VANGL2: variants seen among roughly 807,000 people sequenced by gnomAD.
VANGL2 encodes the protein vang-like protein 2.
A neutral mutation model predicts 50.2 loss-of-function variants in VANGL2; 14 were observed. The observed-to-expected ratio is 0.28, with a 90% CI of 0.18 to 0.44. VANGL2 has a LOEUF of 0.44. Ranked by LOEUF, VANGL2 falls within the 20% of genes least tolerant of loss-of-function variation. The probability of loss-of-function intolerance (pLI) is 1.00; values close to 1 mark genes in which losing one functional copy is unlikely to be tolerated. For missense variants in VANGL2, 533 were observed against 701.5 expected (o/e 0.76, Z 2.71); for synonymous variants, 295 against 297.2 (o/e 0.99, Z 0.08).
chr1:160,410,306 A>G lies in VANGL2; in HGVS notation c.-190-5342A>G, dbSNP rs1389910042. 5.3e-5 allele frequency among the ~76,000 whole-genome samples: 8 copies of G among 152,120 alleles called. No homozygotes were observed. In the South Asian group the frequency reaches 6.2e-4, roughly 12 times the overall value. Reference sequence around the variant, plus strand: ...GCCCTGTCCTCGGTGGAGATGAGGAACACTAGGTGCCCTTTTTAGGTACAT... The same window carrying G: ...GCCCTGTCCTCGGTGGAGATGAGGAGCACTAGGTGCCCTTTTTAGGTACAT... On this transcript the variant is annotated intron_variant, in intron 1 of 7. Coordinates refer to ENST00000368061, the MANE Select transcript of VANGL2 (RefSeq NM_020335.3).
At chr1:160,410,690 ACACACACACG>A (rs1477731586) in intron 1 of VANGL2, among the ~76,000 whole-genome samples, 1 of 143,838 alleles carries the variant, frequency 7.0e-6, no homozygotes, top group Admixed American at 7.1e-5. Context: ...ACACACACAC[ACACACACACG>A]CACGCACGCA....
Position 160,425,413 on chromosome 1 carries a change from G to T in VANGL2, c.*35G>T. ...AGCAGGGGGAGTGGGAAACTCTGGG[G>T]GGTCCTGAGGGGGTGGGAGGGGGCT... On this transcript the variant is annotated 3_prime_UTR_variant, in exon 8 of 8. Coordinates refer to ENST00000368061, the MANE Select transcript of VANGL2 (RefSeq NM_020335.3). 6.9e-7 allele frequency: 1 copy of T among 1,446,458 alleles called. No homozygotes were observed. Among genetic ancestry groups the T allele is most frequent in the Non-Finnish European group, 9.3e-7 (1 of 1,076,952 alleles). The allele number at this position is 1,446,458 out of a possible 1,614,324, so 89.6% of individuals were successfully genotyped here.
Position 160,425,626 on chromosome 1 carries a change from T to C in VANGL2, c.*248T>C. On this transcript the variant is annotated 3_prime_UTR_variant, in exon 8 of 8. Transcript: ENST00000368061. Reference sequence around the variant, plus strand: ...CCCACCTCACCAACAACTTTTGTATTACTCTAGGCCCTGCAGGAATCAGTG... The same window carrying C: ...CCCACCTCACCAACAACTTTTGTATCACTCTAGGCCCTGCAGGAATCAGTG... 1 of 509,248 alleles carries C rather than the reference T, an allele frequency of 2.0e-6. No individual in the cohort carries two copies. Among genetic ancestry groups the C allele is most frequent in the Non-Finnish European group, 3.5e-6 (1 of 286,292 alleles). The allele number at this position is 509,248 out of a possible 1,614,324, so 31.5% of individuals were successfully genotyped here. A position where few individuals can be genotyped will look rare whatever the true frequency, so the allele number is the denominator to read the frequency against.
chr1:160,425,456 C>A lies in VANGL2; in HGVS notation c.*78C>A, dbSNP rs1651418476. The A allele has an allele frequency of 4.7e-6, 5 of 1,053,910 alleles. No homozygotes were observed. The East Asian group carries it at 8.9e-5, about 19-fold the overall frequency. 65.3% of individuals were successfully genotyped at this position (1,053,910 alleles called of 1,614,324 possible). On this transcript the variant is annotated 3_prime_UTR_variant, in exon 8 of 8. Transcript: ENST00000368061. ...AGGGGGCTTGGTTCTCAGGCCCAGC[C>A]ACATTCCTGCCACCCTTCTTCTTCT...
chr1:160,419,314 C>T lies in VANGL2; in HGVS notation c.505C>T (p.Arg169Cys). The change falls in exon 4 of 8, where the codon CGC (arginine) becomes TGC (cysteine). Residue 169 changes from arginine to cysteine, a missense_variant. Physicochemically the swap from Arg to Cys is radical, Grantham distance 180. Transcript: ENST00000368061. This position sits in a 1 kb window ranked among gnomAD's most constrained non-coding sequence, Gnocchi z 5.8. ...ACTGGGCAGCTGGGCTCTGTTCTTC[C>T]GCCGGCCCAAGGCCTCGCTGCCCCG... ...LLLGSWALFF[R>C]RPKASLPRVF... 1.9e-6 allele frequency: 3 copies of T among 1,609,130 alleles called. No homozygotes were observed. The highest frequency in any genetic ancestry group is 2.2e-5 in the East Asian group (1 of 44,890).
At chr1:160,410,030 C>A (rs1650820298) in intron 1 of VANGL2, among the ~76,000 whole-genome samples, 1 of 152,134 alleles carries the variant, frequency 6.6e-6, no homozygotes. Context: ...GAATCGGAGA[C>A]CTTTAGTGGG....
chr1:160,415,618 C>T (rs577401822), intron 1 of VANGL2, 30 bp from the exon 2 acceptor site: 12 of 594,546 alleles, frequency 2.0e-5, no homozygotes, highest in African/African-American at 1.5e-4. Context: ...GAGCTCGAGC[C>T]GCCTCTAACT....
intron 6 of VANGL2, 151 bp downstream of exon 6, chr1:160,421,338 T>A: frequency 9.7e-7 from 1 of 1,034,808 alleles, no homozygotes; most frequent in Non-Finnish European, 1.4e-6. Flanking sequence ...CCTAACAGAT[T>A]ACCATAAACT....
At chr1:160,420,779 TC>T (rs1359288825) in intron 5 of VANGL2, among the ~76,000 whole-genome samples, 2 of 152,222 alleles carry the variant, frequency 1.3e-5, no homozygotes, top group East Asian at 3.8e-4. Context: ...GTGTCTCTCA[TC>T]AGCCCTGGTC....
intron 1 of VANGL2, among the ~76,000 whole-genome samples, chr1:160,406,917 G>A (rs944917237): frequency 3.9e-5 from 6 of 152,090 alleles, no homozygotes; most frequent in Admixed American, 2.6e-4. Context: ...TTGGAGAGGC[G>A]GGGTTTCACC....
chr1:160,404,963 A>G (rs572017428), intron 1 of VANGL2, among the ~76,000 whole-genome samples: 53 of 152,282 alleles, frequency 3.5e-4, no homozygotes, highest in Non-Finnish European at 6.5e-4. Context: ...AAAGTTAATC[A>G]TCCCTTTCCT....
In VANGL2 at chr1:160,425,515, C is replaced by G; in HGVS notation, c.*137C>G. On this transcript the variant is annotated 3_prime_UTR_variant, in exon 8 of 8. Transcript: ENST00000368061. ...TTTTTTTACTTGAATTAACGCACCCCCACCTTCTCTCCTCGCTTCTTCCTT... is the reference window on the plus strand; with the variant it reads ...TTTTTTTACTTGAATTAACGCACCCGCACCTTCTCTCCTCGCTTCTTCCTT... The G allele has an allele frequency of 1.2e-6, 1 of 805,784 alleles. No individual in the cohort carries two copies. 49.9% of individuals were successfully genotyped at this position (805,784 alleles called of 1,614,324 possible). A position where few individuals can be genotyped will look rare whatever the true frequency, so the allele number is the denominator to read the frequency against.
chr1:160,416,180 C>T lies in VANGL2; in HGVS notation c.190C>T (p.Arg64Trp), dbSNP rs549818122. 5 of 1,614,082 alleles carry T rather than the reference C, an allele frequency of 3.1e-6. No individual in the cohort carries two copies. The highest frequency in any genetic ancestry group is 2.2e-5 in the East Asian group (1 of 44,880). ...LDNESTRGDERDDNWGETTTV... is the reference protein window; with the variant it reads ...LDNESTRGDEWDDNWGETTTV... ...CAATGAGTCCACACGAGGGGATGAG[C>T]GGGTGAGCACTGGGGATGCGGTGGT... The change falls in exon 3 of 8, where the codon CGG becomes TGG. Residue 64 changes from arginine (R) to tryptophan (W), a missense_variant and splice_region_variant. Physicochemically the swap from Arg to Trp is moderately radical, Grantham distance 101 (BLOSUM62 -3). Coordinates refer to ENST00000368061, the MANE Select transcript of VANGL2 (RefSeq NM_020335.3).
intron 1 of VANGL2, among the ~76,000 whole-genome samples, chr1:160,406,736 G>T (rs1050698512): frequency 2.8e-5 from 4 of 144,476 alleles, no homozygotes; most frequent in Non-Finnish European, 4.6e-5. Flanking sequence ...GGGGGTTCTG[G>T]TTTTTTTTTT....
chr1:160,419,570 C>T lies in VANGL2; in HGVS notation c.761C>T (p.Thr254Ile), dbSNP rs749824972. 2.5e-6 allele frequency: 4 copies of T among 1,599,564 alleles called. No individual in the cohort carries two copies. The East Asian group carries it at 6.7e-5, about 27-fold the overall frequency. Reference sequence around the variant, plus strand: ...TTCACGCTCAAGGTCGTGCGCTCCACCGACGGCGCCAGCCGCTTCTACAAC... The same window carrying T: ...TTCACGCTCAAGGTCGTGCGCTCCATCGACGGCGCCAGCCGCTTCTACAAC... ...PQFTLKVVRS[T>I]DGASRFYNVG... Residue 254 changes from threonine to isoleucine, a missense_variant, in exon 4 of 8, where the codon ACC (threonine) becomes ATC (isoleucine). By Grantham distance (89) the Thr-to-Ile change is moderately conservative. Coordinates refer to ENST00000368061, the MANE Select transcript of VANGL2 (RefSeq NM_020335.3). The surrounding 1 kb of genome is among the most constrained non-coding windows in gnomAD (Gnocchi z 5.8).
Position 160,419,760 on chromosome 1 carries a change from T to C in VANGL2, c.800+151T>C. The C allele has an allele frequency of 8.1e-7, 1 of 1,239,172 alleles. No homozygotes were observed. Among genetic ancestry groups the C allele is most frequent in the South Asian group, 1.6e-5 (1 of 63,818 alleles). The allele number at this position is 1,239,172 out of a possible 1,614,324, so 76.8% of individuals were successfully genotyped here. A position where few individuals can be genotyped will look rare whatever the true frequency, so the allele number is the denominator to read the frequency against. ...AGTTGAGTACTTTGCACCAAGTAGG[T>C]TTTCACCAATGTTTGCTGCTTGATA... is the stretch of plus-strand genomic sequence containing the variant. On this transcript the variant is annotated intron_variant, in intron 4 of 7. Coordinates refer to ENST00000368061, the MANE Select transcript of VANGL2 (RefSeq NM_020335.3). This position sits in a 1 kb window ranked among gnomAD's most constrained non-coding sequence, Gnocchi z 5.8.
chr1:160,416,183 G>T lies in VANGL2; in HGVS notation c.192+1G>T. The T allele has an allele frequency of 6.2e-7, 1 of 1,614,190 alleles. No individual in the cohort carries two copies. The highest frequency in any genetic ancestry group is 8.5e-7 in the Non-Finnish European group (1 of 1,180,028). On this transcript the variant is annotated splice_donor_variant, in intron 3 of 7. Transcript: ENST00000368061. LOFTEE classifies it high-confidence loss of function. ...TGAGTCCACACGAGGGGATGAGCGG[G>T]TGAGCACTGGGGATGCGGTGGTCCA...
intron 3 of VANGL2, among the ~76,000 whole-genome samples, chr1:160,416,491 G>T (rs545176311): frequency 6.6e-6 from 1 of 152,180 alleles, no homozygotes; most frequent in Non-Finnish European, 1.5e-5. Flanking sequence ...AGTCAGGCCC[G>T]CTGGGAGTCT....
rs202026343 is a variant in VANGL2, at chr1:160,428,635, A to AT, written c.*3265dup. Reference sequence around the variant, plus strand: ...AAACATAGGAACTAAAACTGTACAAATTTTTTTTATATAAAATAAAGACAT... The same window carrying AT: ...AAACATAGGAACTAAAACTGTACAAATTTTTTTTTATATAAAATAAAGACAT... On this transcript the variant is annotated 3_prime_UTR_variant, in exon 8 of 8. Coordinates refer to ENST00000368061, the MANE Select transcript of VANGL2 (RefSeq NM_020335.3). 1.0e-3 allele frequency: 160 copies of AT among 152,520 alleles called. 2 individuals are homozygous for AT. The highest frequency in any genetic ancestry group is 5.6e-3 in the East Asian group (29 of 5,190). 9.4% of individuals were successfully genotyped at this position (152,520 alleles called of 1,614,324 possible). A position where few individuals can be genotyped will look rare whatever the true frequency, so the allele number is the denominator to read the frequency against.
Sources: allele counts gnomAD v4.1 joint callset (sites outside exome capture counted in the v4.1 genomes callset), GRCh38; gene constraint gnomAD v4.1.1; non-coding constraint Gnocchi (gnomAD v3.1); transcripts MANE v1.5; gene names NCBI Gene and HGNC (gene_info 2026-07-23, HGNC 2026-07-21).